SAMHD1: variants seen among roughly 807,000 people sequenced by gnomAD.
The protein encoded by SAMHD1 is SAM and HD domain containing deoxynucleoside triphosphate triphosphohydrolase 1, also known as deoxynucleoside triphosphate triphosphohydrolase SAMHD1.
In SAMHD1, 54 loss-of-function variants were observed where a neutral mutation model predicts 79.6. The observed-to-expected ratio is 0.68, with a 90% confidence interval of 0.55 to 0.85. The LOEUF is 0.85. SAMHD1 is among the 40% of genes least tolerant of loss of function. SAMHD1 has a pLI of 0.00. For synonymous variants in SAMHD1, 260 were observed against 264.1 expected (o/e 0.98, Z 0.15); for missense variants, 663 against 782.7 (o/e 0.85, Z 1.82).
chr20:36,898,574 A>G, intron 13 of SAMHD1, 30 bp from the exon 14 acceptor site: 1 of 1,538,814 alleles, frequency 6.5e-7, no homozygotes, highest in Non-Finnish European at 9.0e-7. Context: ...AAGTAATCAT[A>G]TAGCAAGCAG....
chr20:36,948,110 G>A (rs953141688), intron 1 of SAMHD1, among the ~76,000 whole-genome samples: 2 of 152,004 alleles, frequency 1.3e-5, no homozygotes, highest in Non-Finnish European at 2.9e-5. Flanking sequence ...TTTGGACCTC[G>A]CATACATCAT....
rs1990036701 is a variant in SAMHD1, at chr20:36,890,398, C to CTTTCTT, written c.*2528_*2533dup. 6.9e-6 allele frequency: 1 copy of CTTTCTT among 145,742 alleles called. No homozygotes were observed. The highest frequency in any genetic ancestry group is 1.5e-5 in the Non-Finnish European group (1 of 66,946). 9.0% of individuals were successfully genotyped at this position (145,742 alleles called of 1,614,324 possible). A position where few individuals can be genotyped will look rare whatever the true frequency, so the allele number is the denominator to read the frequency against. On this transcript the variant is annotated 3_prime_UTR_variant, in exon 16 of 16. Transcript: ENST00000646673. ...ACAAATAGCAAAGATATTTCTTTCT[C>CTTTCTT]TTTCTTTCTTTCTTTCTTTCTTTTC...
chr20:36,938,753 G>A (rs904549170), intron 3 of SAMHD1, among the ~76,000 whole-genome samples: 2 of 151,884 alleles, frequency 1.3e-5, no homozygotes, highest in Non-Finnish European at 2.9e-5. Context: ...GGCTGAGGCA[G>A]GAGAATCACT....
Position 36,951,615 on chromosome 20 carries a change from G to A in SAMHD1, c.29C>T (p.Ser10Phe). Residue 10 changes from serine (S) to phenylalanine (F), a missense_variant, in exon 1 of 16, where the codon TCC (serine) becomes TTC (phenylalanine). Transcript: ENST00000646673. MQRADSEQP[S>F]KRPRCDDSPR... ...GCTGTCATCGCAACGGGGACGCTTG[G>A]AGGGCTGCTCGGAATCGGCTCGCTG... is the stretch of plus-strand genomic sequence containing the variant. The A allele has an allele frequency of 6.2e-7, 1 of 1,614,054 alleles. No individual in the cohort carries two copies. The highest frequency in any genetic ancestry group is 1.1e-5 in the South Asian group (1 of 91,090).
chr20:36,915,598 G>A (rs1050347339), intron 9 of SAMHD1, among the ~76,000 whole-genome samples: 1 of 151,972 alleles, frequency 6.6e-6, no homozygotes, highest in African/African-American at 2.4e-5. Flanking sequence ...TTAGCTGGGC[G>A]TGGTAGCATG....
At chr20:36,895,691 C>G (rs369430462) in intron 15 of SAMHD1, among the ~76,000 whole-genome samples, 19 of 152,018 alleles carry the variant, frequency 1.2e-4, no homozygotes, top group African/African-American at 4.3e-4. Context: ...TCTCTTGACT[C>G]TCTATTTCCA....
chr20:36,929,056 G>GAA lies in SAMHD1; in HGVS notation c.625+1702_625+1703dup, dbSNP rs773907363. 7.0e-3 allele frequency among the ~76,000 whole-genome samples: 864 copies of GAA among 123,462 alleles called. 5 individuals carry two copies. The highest frequency in any genetic ancestry group is 0.011 in the Non-Finnish European group (638 of 57,988). The allele number at this position is 123,462 out of a possible 152,430, so 81.0% of individuals were successfully genotyped here. Reference sequence around the variant, plus strand: ...TGGGCAACAGAGCGAGACTCCATCTGAAAAAAAAAAAAAAAGAAGTGAGCC... The same window carrying GAA: ...TGGGCAACAGAGCGAGACTCCATCTGAAAAAAAAAAAAAAAAAGAAGTGAGCC... On this transcript the variant is annotated intron_variant, in intron 5 of 15. Transcript: ENST00000646673.
intron 7 of SAMHD1, among the ~76,000 whole-genome samples, chr20:36,917,503 T>C (rs1416673349): frequency 6.6e-6 from 1 of 151,970 alleles, no homozygotes; most frequent in East Asian, 1.9e-4. Context: ...AACACAAAAT[T>C]AGTTGGGCAT....
intron 11 of SAMHD1, among the ~76,000 whole-genome samples, chr20:36,910,256 C>T (rs1377292863): frequency 1.3e-5 from 2 of 148,158 alleles, no homozygotes; most frequent in African/African-American, 5.0e-5. Flanking sequence ...GGTGTGGTGG[C>T]ACATGCCTAT....
At chr20:36,937,837 A>G (rs1431818012) in intron 3 of SAMHD1, among the ~76,000 whole-genome samples, 1 of 150,442 alleles carries the variant, frequency 6.6e-6, no homozygotes, top group Non-Finnish European at 1.5e-5. Flanking sequence ...TAATTTATAA[A>G]TGAGGTTAAA....
At chr20:36,922,327 A>G in intron 6 of SAMHD1, among the ~76,000 whole-genome samples, 1 of 152,238 alleles carries the variant, frequency 6.6e-6, no homozygotes, top group East Asian at 1.9e-4. Context: ...CTATGGTTAT[A>G]TAAGAAAATG....
rs2063452130 is a variant in SAMHD1 at position 36,912,889 on chromosome 20, G to GTTTTTTGTTT, written c.1063-338_1063-337insAAACAAAAAA. Among the ~76,000 whole-genome samples, 2 of 41,104 alleles carry GTTTTTTGTTT rather than the reference G, an allele frequency of 4.9e-5. 1 individual carries two copies. The highest frequency in any genetic ancestry group is 2.1e-4 in the African/African-American group (2 of 9,548). The allele number at this position is 41,104 out of a possible 152,430, so 27.0% of individuals were successfully genotyped here. A position where few individuals can be genotyped will look rare whatever the true frequency, so the allele number is the denominator to read the frequency against. ...TGTACCCAGCTAACTTTCATTCTTTGTTTTTTTTTTTTTTTTTTTTTTTTT... is the reference window on the plus strand; with the variant it reads ...TGTACCCAGCTAACTTTCATTCTTTGTTTTTTGTTTTTTTTTTTTTTTTTTTTTTTTTTTT... On this transcript the variant is annotated intron_variant, in intron 9 of 15. Transcript: ENST00000646673.
intron 15 of SAMHD1, among the ~76,000 whole-genome samples, chr20:36,894,750 G>C (rs953187161): frequency 7.9e-5 from 12 of 151,944 alleles, no homozygotes; most frequent in South Asian, 4.1e-4. Context: ...CTGGGCAACA[G>C]AGCAAGACTC....
chr20:36,916,022 A>G lies in SAMHD1; in HGVS notation c.1062+700T>C, dbSNP rs1027499421. 2.6e-5 allele frequency among the ~76,000 whole-genome samples: 4 copies of G among 152,090 alleles called. No individual in the cohort carries two copies. The East Asian group carries it at 5.8e-4, about 22-fold the overall frequency. On this transcript the variant is annotated intron_variant, in intron 9 of 15. Transcript: ENST00000646673. Reference sequence around the variant, plus strand: ...AAAATACAAAAAAAATTAGCCGGGCATAGTGGCGAGTGCCTGTAGTCCCAG... The same window carrying G: ...AAAATACAAAAAAAATTAGCCGGGCGTAGTGGCGAGTGCCTGTAGTCCCAG...
At chr20:36,922,981 T>A (rs1360054565) in intron 6 of SAMHD1, among the ~76,000 whole-genome samples, 2 of 151,534 alleles carry the variant, frequency 1.3e-5, no homozygotes, top group African/African-American at 2.4e-5. Context: ...AGAAAAAAAA[T>A]ATCTATATAT....
chr20:36,935,596 A>C (rs906339939), intron 3 of SAMHD1, among the ~76,000 whole-genome samples: 7 of 149,312 alleles, frequency 4.7e-5, no homozygotes, highest in African/African-American at 1.7e-4. Flanking sequence ...TTTGAGACAG[A>C]GTCTCACTGT....
chr20:36,902,689 G>A (rs553717600), intron 13 of SAMHD1, among the ~76,000 whole-genome samples: 1 of 152,124 alleles, frequency 6.6e-6, no homozygotes, highest in East Asian at 1.9e-4. Context: ...GGAAAAGAGA[G>A]TTGAGGGTAA....
chr20:36,939,430 TA>T (rs975488371), intron 3 of SAMHD1, among the ~76,000 whole-genome samples: 8 of 150,708 alleles, frequency 5.3e-5, no homozygotes, highest in African/African-American at 2.0e-4. Context: ...CTGTCTTTAC[TA>T]AAAAAAATAC....
intron 15 of SAMHD1, 101 bp downstream of exon 15, chr20:36,897,721 G>T: frequency 7.7e-7 from 1 of 1,305,150 alleles, no homozygotes; most frequent in South Asian, 1.2e-5. Context: ...ATAACCAAAT[G>T]ACTATAACTT....
Sources: allele counts gnomAD v4.1 joint callset (sites outside exome capture counted in the v4.1 genomes callset), GRCh38; gene constraint gnomAD v4.1.1; transcripts MANE v1.5; gene names NCBI Gene and HGNC (gene_info 2026-07-23, HGNC 2026-07-21).